The following CCZ1 variants were observed in gnomAD, a reference collection of about 807,000 sequenced individuals.
The protein encoded by CCZ1 is vacuolar fusion protein CCZ1 homolog.
In CCZ1, 19 loss-of-function variants were observed where a neutral mutation model predicts 57.8. The ratio of observed to expected loss-of-function variants is 0.33; its 90% CI spans 0.23 to 0.48. The LOEUF (loss-of-function observed/expected upper bound fraction) is 0.48, where lower values mean the gene tolerates loss of function less well. CCZ1 is among the 20% of genes least tolerant of loss of function. The pLI, the probability that CCZ1 is intolerant of heterozygous loss-of-function variation, is 0.99. For synonymous variants in CCZ1, 81 were observed against 167.0 expected, an observed-to-expected ratio of 0.49 and a Z score of 3.97; for missense variants, 200 against 492.0, an observed-to-expected ratio of 0.41 and a Z score of 5.61.
At chr7:5,911,326 C>T (rs1368827586) in intron 8 of CCZ1, among the ~76,000 whole-genome samples, 1 of 148,900 alleles carries the variant, frequency 6.7e-6, no homozygotes, top group African/African-American at 2.5e-5. Context: ...CCCTCTTGTC[C>T]TCCTGCTTTC....
At chr7:5,902,467 A>G (rs184375444) in intron 5 of CCZ1, 194 bp from the exon 6 acceptor site, 9 of 1,061,138 alleles carry the variant, frequency 8.5e-6, no homozygotes, top group South Asian at 2.3e-5. Context: ...CATAAATAAG[A>G]CAGCATCACT....
intron 12 of CCZ1, among the ~76,000 whole-genome samples, chr7:5,920,282 T>A (rs970754336): frequency 6.0e-5 from 7 of 116,514 alleles, no homozygotes; most frequent in African/African-American, 2.3e-4. Context: ...GTGGTCTTGG[T>A]GTGCACAGAC....
In CCZ1 at chr7:5,925,891, A is replaced by G. The variant is rs1232690425; in HGVS notation, c.*204A>G. The G allele has an allele frequency of 1.5e-5, 10 of 655,234 alleles. No homozygotes were observed. Among genetic ancestry groups the G allele is most frequent in the African/African-American group, 3.6e-5 (2 of 54,804 alleles). The allele number at this position is 655,234 out of a possible 1,614,324, so 40.6% of individuals were successfully genotyped here. ...TGGAATTAATTAAAGGTAGTTGGCT[A>G]TATCGCTATCATTTCATTCTTTTGA... On this transcript the variant is annotated 3_prime_UTR_variant, in exon 15 of 15. Transcript: ENST00000325974.
At chr7:5,907,743 T>G (rs1179080809) in intron 7 of CCZ1, among the ~76,000 whole-genome samples, 8 of 137,690 alleles carry the variant, frequency 5.8e-5, no homozygotes, top group African/African-American at 8.3e-5. Flanking sequence ...AGAACTGTTC[T>G]GTTGTCACCT....
At chr7:5,901,626 T>G in intron 4 of CCZ1, 31 bp from the exon 5 acceptor site, 1 of 1,585,284 alleles carries the variant, frequency 6.3e-7, no homozygotes, top group Non-Finnish European at 8.6e-7. Context: ...TCCCTTGAAC[T>G]GAGCTGTGTG....
chr7:5,917,759 CA>C (rs1779168510), intron 10 of CCZ1: 1 of 52,650 alleles, frequency 1.9e-5, no homozygotes, highest in Non-Finnish European at 3.6e-5. Context: ...GGGGTTTTGC[CA>C]TGTTAGCCAG....
chr7:5,913,127 A>G (rs1336731868), intron 10 of CCZ1, among the ~76,000 whole-genome samples, 173 bp downstream of exon 10: 1 of 147,880 alleles, frequency 6.8e-6, no homozygotes, highest in Non-Finnish European at 1.5e-5. Flanking sequence ...GTTTATTTTC[A>G]GCTCCTTTTA....
chr7:5,903,829 T>TA (rs1438861812), intron 6 of CCZ1, among the ~76,000 whole-genome samples: 1 of 146,348 alleles, frequency 6.8e-6, no homozygotes, highest in African/African-American at 2.6e-5. Flanking sequence ...TCATCTCTAC[T>TA]AAAAAATACC....
At chr7:5,912,432 G>T (rs1382089473) in intron 9 of CCZ1, among the ~76,000 whole-genome samples, 3 of 98,472 alleles carry the variant, frequency 3.0e-5, no homozygotes, top group Non-Finnish European at 5.4e-5. Context: ...TCTCTCTGTC[G>T]CTCAGGCTGG....
chr7:5,906,673 A>G lies in CCZ1; in HGVS notation c.698+1404A>G, dbSNP rs115100919. ...TGGCCATATGGTACTACTATAAGGT[A>G]AATTCAGCTAATAGAAAAGGCAAAA... On this transcript the variant is annotated intron_variant, in intron 7 of 14. Transcript: ENST00000325974. 7.8e-3 allele frequency among the ~76,000 whole-genome samples: 1,169 copies of G among 149,228 alleles called. 74 individuals carry two copies. The highest frequency in any genetic ancestry group is 0.028 in the African/African-American group (1,117 of 40,306).
chr7:5,903,663 C>T (rs1213350244), intron 6 of CCZ1, among the ~76,000 whole-genome samples: 3 of 144,020 alleles, frequency 2.1e-5, no homozygotes, highest in Non-Finnish European at 4.5e-5. Flanking sequence ...GAACTGTTGT[C>T]CTGAGTACAT....
At chr7:5,905,826 A>G (rs1352816998) in intron 7 of CCZ1, among the ~76,000 whole-genome samples, 2 of 139,686 alleles carry the variant, frequency 1.4e-5, no homozygotes, top group African/African-American at 5.3e-5. Flanking sequence ...GTTCCTATCA[A>G]GTAAGGTTTA....
At chr7:5,914,866 ACT>A (rs1227480794) in intron 10 of CCZ1, among the ~76,000 whole-genome samples, 1 of 88,866 alleles carries the variant, frequency 1.1e-5, no homozygotes, top group Non-Finnish European at 2.3e-5. Flanking sequence ...ACAGAGCAAG[ACT>A]CTGTCTCAGA....
intron 7 of CCZ1, among the ~76,000 whole-genome samples, chr7:5,905,902 C>T (rs1217514752): frequency 7.5e-5 from 7 of 93,018 alleles, no homozygotes; most frequent in South Asian, 4.8e-4. Context: ...ATTTTTATAC[C>T]TTTTTTTTTT....
rs1779389514 is a variant in CCZ1 at position 5,926,252 on chromosome 7, A to AG, written c.*566dup. ...CAGCCATGTAGGAAACCTGAGATGC[A>AG]GTGGGCCAAGGGGTATGTTAAAACA... On this transcript the variant is annotated 3_prime_UTR_variant, in exon 15 of 15. Coordinates refer to ENST00000325974, the MANE Select transcript of CCZ1 (RefSeq NM_015622.6). The AG allele has an allele frequency of 4.8e-6, 3 of 619,642 alleles. No individual in the cohort carries two copies. Among genetic ancestry groups the AG allele is most frequent in the Non-Finnish European group, 8.4e-6 (3 of 358,780 alleles). 38.4% of individuals were successfully genotyped at this position (619,642 alleles called of 1,614,324 possible).
rs1292193261 is a variant in CCZ1, at chr7:5,901,657, G to A, written c.391G>A (p.Asp131Asn). 1 of 1,596,972 alleles carries A rather than the reference G, an allele frequency of 6.3e-7. No homozygotes were observed. The highest frequency in any genetic ancestry group is 1.4e-5 in the African/African-American group (1 of 72,612). Residue 131 changes from aspartate (D) to asparagine (N), a missense_variant and splice_region_variant, in exon 5 of 15, where the codon GAC becomes AAC. Asp to Asn is a conservative substitution (Grantham distance 23). Around this residue, in one of 5 missense-constraint regions of CCZ1, gnomAD observed 44 missense variants for 122.8 expected, o/e 0.36. Transcript: ENST00000325974. ...VIEYQEEELL[D>N]KVYSSVLRQC... The stretch of plus-strand genomic sequence containing the variant: ...GTGTGCTGTGTTTTCGCGTCTGCAG[G>A]ACAAGGTTTATAGCTCGGTGCTGCG...
At chr7:5,908,521 G>T (rs1461700598) in intron 7 of CCZ1, among the ~76,000 whole-genome samples, 1 of 148,032 alleles carries the variant, frequency 6.8e-6, no homozygotes, top group Non-Finnish European at 1.5e-5. Context: ...TGGGATTAGA[G>T]GTGTGTGCTA....
chr7:5,906,929 A>G lies in CCZ1; in HGVS notation c.698+1660A>G, dbSNP rs531371320. On this transcript the variant is annotated intron_variant, in intron 7 of 14. Transcript: ENST00000325974. Reference sequence around the variant, plus strand: ...GTTGCCCAGGCTGGAGTGCAGTGGCATGATCTTGGCTTGCTGCAACCCCTG... The same window carrying G: ...GTTGCCCAGGCTGGAGTGCAGTGGCGTGATCTTGGCTTGCTGCAACCCCTG... 1.4e-4 allele frequency among the ~76,000 whole-genome samples: 21 copies of G among 149,174 alleles called. 2 individuals are homozygous for G. Among genetic ancestry groups the G allele is most frequent in the African/African-American group, 5.2e-4 (21 of 40,264 alleles).
chr7:5,908,375 CTTTGA>C (rs1294256087), intron 7 of CCZ1, among the ~76,000 whole-genome samples: 2 of 117,424 alleles, frequency 1.7e-5, no homozygotes, highest in Admixed American at 1.6e-4. Context: ...TAGTATATTG[CTTTGA>C]TTTTTTTTTT....
Sources: allele counts gnomAD v4.1 joint callset (sites outside exome capture counted in the v4.1 genomes callset), GRCh38; gene constraint gnomAD v4.1.1; regional missense constraint gnomAD v4.1.1; transcripts MANE v1.5; gene names NCBI Gene and HGNC (gene_info 2026-07-23, HGNC 2026-07-21).